Variants in ADD1 observed in about 807,000 individuals in gnomAD.
ADD1 encodes the protein adducin 1.
A neutral mutation model predicts 80.5 loss-of-function variants in ADD1; 24 were observed. That is an observed-to-expected ratio of 0.30 (90% CI 0.22 to 0.42). The LOEUF is 0.42. ADD1 is among the 10% of genes least tolerant of loss of function. The pLI, the probability that ADD1 is intolerant of heterozygous loss-of-function variation, is 1.00. For missense variants in ADD1, 948 were observed against 1,019.0 expected (o/e 0.93, Z 0.95); for synonymous variants, 373 against 393.8 (o/e 0.95, Z 0.63).
At chr4:2,907,001 T>A (rs1396178549) in intron 10 of ADD1, among the ~76,000 whole-genome samples, 3 of 152,046 alleles carry the variant, frequency 2.0e-5, no homozygotes, top group Admixed American at 2.0e-4. Context: ...TGATTGGAGA[T>A]CCAAAAAAAA....
intron 1 of ADD1, among the ~76,000 whole-genome samples, chr4:2,845,874 A>G (rs1022664346): frequency 6.6e-6 from 1 of 152,222 alleles, no homozygotes; most frequent in African/African-American, 2.4e-5. Flanking sequence ...TTAGAGTTAG[A>G]TTGACTGCCC....
chr4:2,908,596 C>T lies in ADD1; in HGVS notation c.1690C>T (p.Leu564Phe), dbSNP rs372341933. ...GTGTGGTGTAGTGATGGACAGGAGC[C>T]TCGTCCAGGTGAGAGCCCAGAGTGT... Reference protein sequence around the residue: ...VLCGVVMDRSLVQDAPLSDCT... With the variant: ...VLCGVVMDRSFVQDAPLSDCT... The change falls in exon 12 of 16, where the codon CTC becomes TTC. Residue 564 changes from leucine to phenylalanine, a missense_variant. Physicochemically the swap from Leu to Phe is conservative, Grantham distance 22 (BLOSUM62 0). Transcript: ENST00000683351. 8.7e-6 allele frequency: 14 copies of T among 1,614,160 alleles called. No individual in the cohort carries two copies. The East Asian group carries it at 2.0e-4, about 23-fold the overall frequency.
chr4:2,921,432 ATTCTT>A (rs762696310), intron 14 of ADD1, among the ~76,000 whole-genome samples: 5 of 152,156 alleles, frequency 3.3e-5, no homozygotes, highest in Non-Finnish European at 7.4e-5. Context: ...CCGGCCGAAA[ATTCTT>A]TTCTTTAAGA....
chr4:2,921,013 T>A (rs1356994486), intron 14 of ADD1, among the ~76,000 whole-genome samples: 10 of 152,240 alleles, frequency 6.6e-5, no homozygotes, highest in Non-Finnish European at 1.2e-4. Flanking sequence ...CTTCAGGTGC[T>A]ATTGTAAGGC....
At chr4:2,920,264 A>G (rs987950188) in intron 14 of ADD1, among the ~76,000 whole-genome samples, 1 of 152,182 alleles carries the variant, frequency 6.6e-6, no homozygotes, top group Admixed American at 6.5e-5. Flanking sequence ...TAGGTGGTCA[A>G]TTTTAGAATA....
intron 9 of ADD1, chr4:2,899,707 G>C: frequency 4.3e-6 from 2 of 460,504 alleles, no homozygotes; most frequent in Non-Finnish European, 8.0e-6. Flanking sequence ...TAGGCAGCTG[G>C]ATGACCAGCT....
chr4:2,845,135 CG>C (rs1322149113), intron 1 of ADD1, among the ~76,000 whole-genome samples: 1 of 152,010 alleles, frequency 6.6e-6, no homozygotes, highest in African/African-American at 2.4e-5. Context: ...TACAGTGGCG[CG>C]ATCTCCAGTC....
At chr4:2,890,094 G>T (rs552435366) in intron 4 of ADD1, among the ~76,000 whole-genome samples, 3 of 151,104 alleles carry the variant, frequency 2.0e-5, no homozygotes. Flanking sequence ...CTACTGGGAG[G>T]CTGAGACAGG....
intron 1 of ADD1, among the ~76,000 whole-genome samples, chr4:2,865,427 ATGT>A (rs1729404228): frequency 6.6e-6 from 1 of 152,354 alleles, no homozygotes; most frequent in African/African-American, 2.4e-5. Context: ...GAAGTATCTC[ATGT>A]CTCAGCCTTT....
chr4:2,855,270 T>C (rs1301883075), intron 1 of ADD1, among the ~76,000 whole-genome samples: 2 of 152,234 alleles, frequency 1.3e-5, no homozygotes, highest in Non-Finnish European at 2.9e-5. Context: ...TCTTATAAGT[T>C]ACCTGTAATT....
chr4:2,848,147 G>A lies in ADD1; in HGVS notation c.-21+4123G>A, dbSNP rs551709707. Among the ~76,000 whole-genome samples the A allele has an allele frequency of 4.6e-5, 7 of 152,058 alleles. No homozygotes were observed. In the South Asian group the frequency reaches 1.2e-3, roughly 27 times the overall value. The stretch of plus-strand genomic sequence containing the variant: ...GGAGAATCACTTGAACCCAGGAGGC[G>A]GAGGTTACAGTGAGTTGAGATCGTG... On this transcript the variant is annotated intron_variant, in intron 1 of 15. Coordinates refer to ENST00000683351, the MANE Select transcript of ADD1 (RefSeq NM_001354761.2).
At chr4:2,888,035 A>C (rs1733672024) in intron 4 of ADD1, among the ~76,000 whole-genome samples, 1 of 152,140 alleles carries the variant, frequency 6.6e-6, no homozygotes, top group Non-Finnish European at 1.5e-5. Flanking sequence ...TAAAAGAAGG[A>C]AACATTATTA....
rs1465615625 is a variant in ADD1, at chr4:2,928,341, A to G, written c.2218A>G (p.Ser740Gly). 1.9e-6 allele frequency: 3 copies of G among 1,613,640 alleles called. No homozygotes were observed. The highest frequency in any genetic ancestry group is 2.5e-6 in the Non-Finnish European group (3 of 1,179,924). The change falls in exon 16 of 16, where the codon AGC (serine) becomes GGC (glycine). Residue 740 changes from serine (S) to glycine (G), a missense_variant. Physicochemically the swap from Ser to Gly is moderately conservative, Grantham distance 56. Coordinates refer to ENST00000683351, the MANE Select transcript of ADD1 (RefSeq NM_001354761.2). ...PSPTEAPTEASPEPAPDPAPV... is the reference protein window; with the variant it reads ...PSPTEAPTEAGPEPAPDPAPV... ...CCCCACTGAGGCCCCTACTGAGGCC[A>G]GCCCCGAGCCAGCCCCAGACCCAGC...
chr4:2,920,484 A>G (rs938381260), intron 14 of ADD1, among the ~76,000 whole-genome samples: 13 of 152,262 alleles, frequency 8.5e-5, no homozygotes, highest in African/African-American at 2.9e-4. Flanking sequence ...GTAGGTCTCT[A>G]AGAACTTGCT....
At chr4:2,918,991 C>A (rs1249760132) in intron 14 of ADD1, among the ~76,000 whole-genome samples, 1 of 152,030 alleles carries the variant, frequency 6.6e-6, no homozygotes, top group South Asian at 2.1e-4. Context: ...CAGACACACG[C>A]CACCACACCC....
intron 1 of ADD1, among the ~76,000 whole-genome samples, chr4:2,874,265 TATGTTG>T (rs1730897631): frequency 6.6e-6 from 1 of 152,180 alleles, no homozygotes; most frequent in African/African-American, 2.4e-5. Context: ...TCGTTTATTC[TATGTTG>T]ATGTTTAGTC....
chr4:2,854,467 C>G (rs1727775958), intron 1 of ADD1, among the ~76,000 whole-genome samples: 1 of 152,158 alleles, frequency 6.6e-6, no homozygotes, highest in African/African-American at 2.4e-5. Context: ...CTGACTTGAG[C>G]AATGTGGTAG....
chr4:2,907,166 T>A (rs1012693171), intron 10 of ADD1: 4 of 152,342 alleles, frequency 2.6e-5, no homozygotes, highest in Admixed American at 2.6e-4. Flanking sequence ...ATCACCAAAC[T>A]CTTCTTCCAG....
chr4:2,863,013 T>C (rs1729026657), intron 1 of ADD1, among the ~76,000 whole-genome samples: 1 of 152,110 alleles, frequency 6.6e-6, no homozygotes, highest in Non-Finnish European at 1.5e-5. Context: ...TAGAGACTTC[T>C]GGAGTGTGGC....
Sources: allele counts gnomAD v4.1 joint callset (sites outside exome capture counted in the v4.1 genomes callset), GRCh38; gene constraint gnomAD v4.1.1; transcripts MANE v1.5; gene names NCBI Gene and HGNC (gene_info 2026-07-23, HGNC 2026-07-21).